The following RBFOX1 variants were observed in gnomAD, a reference collection of about 807,000 sequenced individuals.
RBFOX1 encodes RNA binding fox-1 homolog 1.
A neutral mutation model predicts 57.7 loss-of-function variants in RBFOX1; 8 were observed. The ratio of observed to expected loss-of-function variants is 0.14; its 90% CI spans 0.08 to 0.25. The LOEUF (loss-of-function observed/expected upper bound fraction) is 0.25. Ranked by LOEUF, RBFOX1 falls within the 10% of genes least tolerant of loss-of-function variation. The pLI is 1.00. For synonymous variants in RBFOX1, 326 were observed against 222.4 expected, an observed-to-expected ratio of 1.47 and a Z score of -4.15; for missense variants, 611 against 548.5, an observed-to-expected ratio of 1.11 and a Z score of -1.14.
intron 4 of RBFOX1, among the ~76,000 whole-genome samples, chr16:7,423,898 A>G (rs944061104): frequency 1.3e-5 from 2 of 152,168 alleles, no homozygotes; most frequent in African/African-American, 4.8e-5. Context: ...CAGCCTGTCC[A>G]TATGTCTGAA....
chr16:6,401,998 C>T (rs749972615), intron 2 of RBFOX1, among the ~76,000 whole-genome samples: 17 of 150,844 alleles, frequency 1.1e-4, no homozygotes, highest in Non-Finnish European at 2.2e-4. Context: ...AGCTAACTGT[C>T]GAAACGTTCC....
At chr16:6,267,269 A>G (rs1023281600) in intron 1 of RBFOX1, among the ~76,000 whole-genome samples, 1 of 152,214 alleles carries the variant, frequency 6.6e-6, no homozygotes, top group African/African-American at 2.4e-5. Flanking sequence ...ATTAATTTAA[A>G]TTCACAATTC....
intron 3 of RBFOX1, among the ~76,000 whole-genome samples, chr16:5,821,191 TGGG>T (rs59199076): frequency 1.3e-5 from 2 of 151,972 alleles, no homozygotes; most frequent in Non-Finnish European, 2.9e-5. Flanking sequence ...GGAGATAACA[TGGG>T]GGGCTGCCTC....
At chr16:6,460,958 C>G (rs1272633479) in intron 2 of RBFOX1, among the ~76,000 whole-genome samples, 1 of 152,042 alleles carries the variant, frequency 6.6e-6, no homozygotes, top group Admixed American at 6.6e-5. Flanking sequence ...TTTGCAAGGT[C>G]ATGGATGAAA....
At position 7,635,683 on chromosome 16, in the gene RBFOX1, C is replaced by T. The variant is rs79589658; in HGVS notation, c.757+5000C>T. Among the ~76,000 whole-genome samples, 145 of 152,128 alleles carry T rather than the reference C, an allele frequency of 9.5e-4. 1 individual carries two copies. Among genetic ancestry groups the T allele is most frequent in the African/African-American group, 3.2e-3 (131 of 41,484 alleles). On this transcript the variant is annotated intron_variant, in intron 11 of 15. Transcript: ENST00000550418. ...TTAGTTTCACATAATACATTGTGAC[C>T]GTCTCCCTTTAAGCCTTTTAGATAT...
At chr16:6,940,727 A>C (rs923912370) in intron 3 of RBFOX1, among the ~76,000 whole-genome samples, 1 of 150,778 alleles carries the variant, frequency 6.6e-6, no homozygotes, top group African/African-American at 2.4e-5. Flanking sequence ...CCTCCCGAGT[A>C]GCTGGGACTA....
In RBFOX1 at chr16:5,391,890, TAC is replaced by T. The variant is rs746461930; in HGVS notation, c.220-75309_220-75308del. ...AGAAACTATGGTGTGTGTGTGTGTA[TAC>T]ACACACACACACACACGCACACACA... is the stretch of plus-strand genomic sequence containing the variant. On this transcript the variant is annotated intron_variant, in intron 1 of 2. Transcript: ENST00000585867. Among the ~76,000 whole-genome samples the T allele has an allele frequency of 4.7e-3, 685 of 147,058 alleles. 3 individuals are homozygous for T. The highest frequency in any genetic ancestry group is 0.024 in the East Asian group (119 of 4,958).
intron 2 of RBFOX1, among the ~76,000 whole-genome samples, chr16:6,350,481 A>C (rs1425438674): frequency 7.4e-4 from 62 of 84,082 alleles, no homozygotes; most frequent in African/African-American, 2.1e-3. Flanking sequence ...AAAAAAAAAA[A>C]AAAAAAAAAA....
chr16:6,573,798 GCT>G (rs2097380236), intron 2 of RBFOX1: 4 of 152,196 alleles, frequency 2.6e-5, no homozygotes, highest in South Asian at 4.1e-4. Flanking sequence ...TTCACAGCAG[GCT>G]CTCTCTGAGC....
At chr16:5,936,244 A>G (rs996440479) in intron 4 of RBFOX1, among the ~76,000 whole-genome samples, 2 of 152,016 alleles carry the variant, frequency 1.3e-5, no homozygotes. Context: ...GTGCCTCAGC[A>G]TCCTGAGTAG....
intron 2 of RBFOX1, among the ~76,000 whole-genome samples, chr16:6,445,741 C>T (rs1308219236): frequency 6.6e-6 from 1 of 151,976 alleles, no homozygotes; most frequent in Non-Finnish European, 1.5e-5. Flanking sequence ...CACCACCATG[C>T]CCAGTTAATT....
chr16:6,942,830 A>G (rs2078790551), intron 3 of RBFOX1, among the ~76,000 whole-genome samples: 1 of 152,172 alleles, frequency 6.6e-6, no homozygotes, highest in Non-Finnish European at 1.5e-5. Context: ...GCTGACCCTG[A>G]ACAGGTTTTG....
intron 2 of RBFOX1, among the ~76,000 whole-genome samples, chr16:6,407,568 A>T (rs78310673): frequency 8.0e-4 from 16 of 20,114 alleles, no homozygotes; most frequent in African/African-American, 6.7e-3. Context: ...TGTGTGTGTG[A>T]CAGAGAGAGA....
chr16:5,274,144 C>T (rs528140851), intron 1 of RBFOX1, among the ~76,000 whole-genome samples: 12 of 152,298 alleles, frequency 7.9e-5, no homozygotes, highest in African/African-American at 2.6e-4. Context: ...ACATATCCAT[C>T]GCTGCATCTC....
intron 4 of RBFOX1, among the ~76,000 whole-genome samples, chr16:7,410,006 C>G (rs567626616): frequency 3.3e-4 from 51 of 152,284 alleles, no homozygotes; most frequent in African/African-American, 1.1e-3. Flanking sequence ...AGCTGGATGG[C>G]TGCAATACCA....
chr16:5,988,265 A>G (rs1187968137), intron 4 of RBFOX1, among the ~76,000 whole-genome samples: 1 of 152,182 alleles, frequency 6.6e-6, no homozygotes, highest in Non-Finnish European at 1.5e-5. Context: ...GCATATGCAA[A>G]TGTCTGTAAT....
At chr16:5,332,257 C>CTTT (rs1555492396) in intron 1 of RBFOX1, among the ~76,000 whole-genome samples, 22 of 151,698 alleles carry the variant, frequency 1.5e-4, no homozygotes, top group Admixed American at 5.3e-4. Context: ...TCAAAGGAAA[C>CTTT]TTTATTTTAT....
At chr16:7,034,965 C>T (rs112257325) in intron 3 of RBFOX1, among the ~76,000 whole-genome samples, 1 of 148,406 alleles carries the variant, frequency 6.7e-6, no homozygotes, top group Non-Finnish European at 1.5e-5. Flanking sequence ...TCTCATTCCT[C>T]AGCCTCTGAG....
Position 5,615,088 on chromosome 16 carries a change from G to A in RBFOX1, c.318+16127G>A, listed in dbSNP as rs1044790424. Among the ~76,000 whole-genome samples, 3 of 152,192 alleles carry A rather than the reference G, an allele frequency of 2.0e-5. No homozygotes were observed. The South Asian group carries it at 6.2e-4, about 31-fold the overall frequency. On this transcript the variant is annotated intron_variant, in intron 3 of 19. Transcript: ENST00000641259. ...TTCACTCTGTTACCCAGGCTGGCAT[G>A]CAGTGGTGCCGTCATAGCTCACTGC... is the stretch of plus-strand genomic sequence containing the variant.
Sources: gnomAD v4.1 joint callset for allele counts (sites outside exome capture counted in the v4.1 genomes callset) on GRCh38, gnomAD v4.1.1 for gene constraint, MANE v1.5 for transcripts, NCBI Gene and HGNC (gene_info 2026-07-23, HGNC 2026-07-21) for gene names.